The following MCU variants were observed in gnomAD, a reference collection of about 807,000 sequenced individuals.
The protein encoded by MCU is calcium uniporter protein, mitochondrial.
MCU carries 12 observed loss-of-function variants against 45.2 expected under a neutral mutation model. The ratio of observed to expected loss-of-function variants is 0.27; its 90% CI spans 0.17 to 0.43. MCU has a LOEUF of 0.43. MCU is among the 20% of genes least tolerant of loss of function. The probability of loss-of-function intolerance (pLI) is 1.00; values close to 1 mark genes in which losing one functional copy is unlikely to be tolerated. For synonymous variants in MCU, 160 were observed against 165.1 expected, an observed-to-expected ratio of 0.97 and a Z score of 0.24; for missense variants, 324 against 436.7, an observed-to-expected ratio of 0.74 and a Z score of 2.30.
intron 2 of MCU, among the ~76,000 whole-genome samples, chr10:72,854,132 A>G (rs1228540090): frequency 6.6e-6 from 1 of 151,862 alleles, no homozygotes; most frequent in Non-Finnish European, 1.5e-5. Context: ...TCTGTCTCAA[A>G]AATAAAATAA....
At chr10:72,804,197 G>A (rs1003823825) in intron 1 of MCU, among the ~76,000 whole-genome samples, 2 of 148,898 alleles carry the variant, frequency 1.3e-5, no homozygotes, top group Admixed American at 6.7e-5. Flanking sequence ...AGTGATTCTC[G>A]TGCTTCAGCC....
In MCU at chr10:72,692,225, G is replaced by A; in HGVS notation, c.74G>A (p.Gly25Asp). The change falls in exon 1 of 8, where the codon GGC (glycine) becomes GAC (aspartate). Residue 25 changes from glycine (G) to aspartate (D), a missense_variant. Physicochemically the swap from Gly to Asp is moderately conservative, Grantham distance 94 (BLOSUM62 -1). Around this residue, in one of 4 missense-constraint regions of MCU, gnomAD observed 111 missense variants for 112.3 expected, o/e 0.99. Coordinates refer to ENST00000373053, the MANE Select transcript of MCU (RefSeq NM_138357.3). ...SRGGGGGGAG[G>D]CGALTAGCFP... is the part of the protein sequence containing the mutation. ...GGCGGCGGCGGCGGGGGCGCCGGCG[G>A]CTGCGGGGCGCTGACTGCCGGCTGC... is the stretch of plus-strand genomic sequence containing the variant. 1 of 1,243,254 alleles carries A rather than the reference G, an allele frequency of 8.0e-7. No individual in the cohort carries two copies. The allele number at this position is 1,243,254 out of a possible 1,614,324, so 77.0% of individuals were successfully genotyped here.
intron 1 of MCU, among the ~76,000 whole-genome samples, chr10:72,708,774 G>T (rs1178320807): frequency 1.3e-5 from 2 of 152,178 alleles, no homozygotes; most frequent in Non-Finnish European, 2.9e-5. Flanking sequence ...TCTTAAAACA[G>T]TTTCGATTGT....
At position 72,886,153 on chromosome 10, in the gene MCU, G is replaced by T; in HGVS notation, c.*331G>T. On this transcript the variant is annotated 3_prime_UTR_variant, in exon 8 of 8. Coordinates refer to ENST00000373053, the MANE Select transcript of MCU (RefSeq NM_138357.3). The stretch of plus-strand genomic sequence containing the variant: ...TTCTTGCATCTTCTTTGCAGAGTCA[G>T]CAAAAGAGTAACACACCAGCACCCC... 5.1e-6 allele frequency: 1 copy of T among 196,788 alleles called. No homozygotes were observed. The highest frequency in any genetic ancestry group is 2.3e-5 in the African/African-American group (1 of 43,020). The allele number at this position is 196,788 out of a possible 1,614,324, so 12.2% of individuals were successfully genotyped here.
chr10:72,699,389 C>T (rs1009275633), intron 1 of MCU, among the ~76,000 whole-genome samples: 6 of 151,912 alleles, frequency 3.9e-5, no homozygotes, highest in Non-Finnish European at 7.4e-5. Flanking sequence ...CGCCTGTAAT[C>T]CCAACTACTC....
intron 1 of MCU, among the ~76,000 whole-genome samples, chr10:72,693,711 G>A (rs886334590): frequency 3.7e-4 from 56 of 152,178 alleles, no homozygotes; most frequent in Admixed American, 3.3e-3. Context: ...CTTTGCTGAA[G>A]CTTTTGGGTG....
chr10:72,706,043 C>T (rs1021146674), intron 1 of MCU, among the ~76,000 whole-genome samples: 1 of 152,094 alleles, frequency 6.6e-6, no homozygotes, highest in African/African-American at 2.4e-5. Flanking sequence ...AAGCTTTGTG[C>T]TATAACTGAA....
intron 2 of MCU, among the ~76,000 whole-genome samples, chr10:72,846,051 A>G (rs905938411): frequency 1.3e-5 from 2 of 148,448 alleles, no homozygotes; most frequent in South Asian, 2.1e-4. Flanking sequence ...GAAATAAACA[A>G]TTTTTTTTTT....
Position 72,763,977 on chromosome 10 carries a change from G to A in MCU, c.151-70382G>A, listed in dbSNP as rs142467079. On this transcript the variant is annotated intron_variant, in intron 1 of 7. Transcript: ENST00000373053. The stretch of plus-strand genomic sequence containing the variant: ...AAAGAATGAACCTTGATTAAAGTCA[G>A]CCTAAATTTCTATTTTTTTTCTCTA... Among the ~76,000 whole-genome samples the A allele has an allele frequency of 6.0e-3, 907 of 152,176 alleles. 12 individuals are homozygous for A. The highest frequency in any genetic ancestry group is 0.021 in the African/African-American group (855 of 41,522).
At chr10:72,830,716 A>G (rs564429083) in intron 1 of MCU, among the ~76,000 whole-genome samples, 1 of 152,324 alleles carries the variant, frequency 6.6e-6, no homozygotes, top group East Asian at 1.9e-4. Flanking sequence ...TCTTCAGCAC[A>G]ACTAGGGAGA....
chr10:72,819,705 T>G (rs908508080), intron 1 of MCU, among the ~76,000 whole-genome samples: 5 of 150,546 alleles, frequency 3.3e-5, no homozygotes, highest in African/African-American at 1.2e-4. Context: ...CTAGATTCAG[T>G]AGTTGTTAAC....
intron 1 of MCU, among the ~76,000 whole-genome samples, chr10:72,790,252 T>TG (rs1221322321): frequency 2.4e-4 from 36 of 152,158 alleles, no homozygotes; most frequent in Admixed American, 4.6e-4. Flanking sequence ...CCAAAGAAGA[T>TG]GGGGGAAAAC....
At chr10:72,742,334 A>T (rs1355650545) in intron 1 of MCU, among the ~76,000 whole-genome samples, 1 of 152,180 alleles carries the variant, frequency 6.6e-6, no homozygotes, top group East Asian at 1.9e-4. Flanking sequence ...TTTTCAGAGT[A>T]TATCCCCATT....
At chr10:72,842,092 A>G (rs752308194) in intron 2 of MCU, among the ~76,000 whole-genome samples, 9 of 152,342 alleles carry the variant, frequency 5.9e-5, no homozygotes, top group Admixed American at 1.3e-4. Context: ...CAGCCTAGGC[A>G]ACATGGTGAA....
intron 1 of MCU, among the ~76,000 whole-genome samples, chr10:72,699,656 A>G (rs893432160): frequency 4.8e-5 from 7 of 146,528 alleles, no homozygotes; most frequent in African/African-American, 1.8e-4. Flanking sequence ...CAGTGGCGCT[A>G]TCTCTGCTCT....
intron 1 of MCU, among the ~76,000 whole-genome samples, chr10:72,719,292 AGCT>A (rs1842991130): frequency 6.6e-6 from 1 of 152,150 alleles, no homozygotes; most frequent in Admixed American, 6.5e-5. Flanking sequence ...ATGTTACTGG[AGCT>A]GTTACAGTCT....
rs576473726 is a variant in MCU, at chr10:72,779,512, A to G, written c.151-54847A>G. 4.2e-4 allele frequency among the ~76,000 whole-genome samples: 64 copies of G among 152,344 alleles called. No individual in the cohort carries two copies. The South Asian group carries it at 0.013, about 31-fold the overall frequency. On this transcript the variant is annotated intron_variant, in intron 1 of 7. Coordinates refer to ENST00000373053, the MANE Select transcript of MCU (RefSeq NM_138357.3). ...AAAAAACAACCCACTAAATGGGAGA[A>G]GATATTTGCAGATCATTTATTTGTT...
chr10:72,851,179 C>A (rs1845202057), intron 2 of MCU, among the ~76,000 whole-genome samples: 1 of 152,208 alleles, frequency 6.6e-6, no homozygotes, highest in African/African-American at 2.4e-5. Flanking sequence ...TTTCTTATTT[C>A]ATTCCCTTGA....
chr10:72,724,669 T>C (rs1843072379), intron 1 of MCU, among the ~76,000 whole-genome samples: 1 of 152,250 alleles, frequency 6.6e-6, no homozygotes, highest in African/African-American at 2.4e-5. Flanking sequence ...CTGAACATAT[T>C]TGAAGACAGC....
Sources: allele counts gnomAD v4.1 joint callset (sites outside exome capture counted in the v4.1 genomes callset), GRCh38; gene constraint gnomAD v4.1.1; regional missense constraint gnomAD v4.1.1; transcripts MANE v1.5; gene names NCBI Gene and HGNC (gene_info 2026-07-23, HGNC 2026-07-21).